The following MYH15 variants were observed in gnomAD, a reference collection of about 807,000 sequenced individuals.
MYH15 encodes myosin-15.
MYH15 carries 227 observed loss-of-function variants against 240.5 expected under a neutral mutation model. The observed-to-expected ratio is 0.94, with a 90% CI of 0.85 to 1.05. The LOEUF is 1.05. Among genes scored for constraint, MYH15 ranks in the 50% least tolerant of loss-of-function variants. MYH15 has a pLI of 0.00. For missense variants in MYH15, 2,217 were observed against 2,247.5 expected, an observed-to-expected ratio of 0.99 and a Z score of 0.27; for synonymous variants, 785 against 796.7, an observed-to-expected ratio of 0.99 and a Z score of 0.25.
the MYH15 span, among the ~76,000 whole-genome samples, chr3:108,543,117 G>C: frequency 2.1e-4 from 32 of 152,158 alleles, no homozygotes; most frequent in Non-Finnish European, 7.3e-5. Context: ...CTGACCTTGT[G>C]ATCCGCCCGC....
At chr3:108,542,230 T>C in the MYH15 span, among the ~76,000 whole-genome samples, 190 of 152,290 alleles carry the variant, frequency 1.2e-3, no homozygotes, top group African/African-American at 4.4e-3. Context: ...GACACATTTA[T>C]TATAATTAAC....
At chr3:108,547,478 C>A in the MYH15 span, among the ~76,000 whole-genome samples, 2 of 151,682 alleles carry the variant, frequency 1.3e-5, no homozygotes, top group African/African-American at 4.8e-5. Flanking sequence ...TTTAAATAGG[C>A]AATTCTCAAA....
intron 4 of MYH15, among the ~76,000 whole-genome samples, chr3:108,499,863 C>T (rs1476331888): frequency 6.6e-6 from 1 of 152,174 alleles, no homozygotes; most frequent in African/African-American, 2.4e-5. Context: ...CTGCAGGGGG[C>T]TTACTCTGGG....
In MYH15 at chr3:108,500,167, G is replaced by C. The variant is rs1253727031; in HGVS notation, c.447C>G (p.Pro149=). 1 of 1,613,960 alleles carries C rather than the reference G, an allele frequency of 6.2e-7. No individual in the cohort carries two copies. Among genetic ancestry groups the C allele is most frequent in the Non-Finnish European group, 8.5e-7 (1 of 1,179,968 alleles). The change falls in exon 4 of 41, where the codon CCC becomes CCG. Residue 149 remains proline (P), a synonymous_variant. Coordinates refer to ENST00000693548, the MANE Select transcript of MYH15 (RefSeq NM_014981.3). Reference sequence around the variant, plus strand: ...TATTGGCAACAGCAAAGATGTGAGGGGGAGCCTCTGATCGCCTCTTCCCTT... The same window carrying C: ...TATTGGCAACAGCAAAGATGTGAGGCGGAGCCTCTGATCGCCTCTTCCCTT... ...AYKGKRRSEA[P]PHIFAVANNA...
At chr3:108,468,579 A>G (rs1011877916) in intron 14 of MYH15, among the ~76,000 whole-genome samples, 1 of 152,258 alleles carries the variant, frequency 6.6e-6, no homozygotes, top group Non-Finnish European at 1.5e-5. Flanking sequence ...TTGTTTGTAG[A>G]AAACCAAAGA....
At chr3:108,484,346 G>T (rs1197076815) in intron 11 of MYH15, among the ~76,000 whole-genome samples, 1 of 152,064 alleles carries the variant, frequency 6.6e-6, no homozygotes, top group East Asian at 1.9e-4. Context: ...AAAAAACAAG[G>T]AGAAATAAAG....
chr3:108,549,963 T>G, the MYH15 span: 1 of 152,014 alleles, frequency 6.6e-6, no homozygotes, highest in Non-Finnish European at 1.5e-5. Flanking sequence ...AGAAACAGAA[T>G]GTATCTCCTC....
rs2083099537 is a variant in MYH15 at position 108,464,677 on chromosome 3, TTTC to T, written c.1689_1691del (p.Lys564del). On this transcript the variant is annotated inframe_deletion, in exon 15 of 41. Coordinates refer to ENST00000693548, the MANE Select transcript of MYH15 (RefSeq NM_014981.3). ...GGACAAGTTCAAAATGAGCTTCAAA[TTTC>T]TTCTTATCAGGCTTGGGCTTCTGGA... 6.2e-7 allele frequency: 1 copy of T among 1,613,642 alleles called. No individual in the cohort carries two copies. Among genetic ancestry groups the T allele is most frequent in the Non-Finnish European group, 8.5e-7 (1 of 1,179,786 alleles).
chr3:108,416,782 G>T, intron 29 of MYH15, 30 bp downstream of exon 29: 2 of 1,521,404 alleles, frequency 1.3e-6, no homozygotes, highest in South Asian at 1.2e-5. Flanking sequence ...ACACAGTCAA[G>T]AAACTAGTGA....
intron 6 of MYH15, among the ~76,000 whole-genome samples, chr3:108,497,231 G>T (rs770235710): frequency 6.8e-6 from 1 of 146,824 alleles, no homozygotes; most frequent in African/African-American, 2.5e-5. Context: ...ATTCAGGAAC[G>T]TGGTGGTAAA....
the MYH15 span, among the ~76,000 whole-genome samples, chr3:108,541,417 A>C: frequency 6.6e-6 from 1 of 152,014 alleles, no homozygotes; most frequent in Admixed American, 6.6e-5. Flanking sequence ...ATCAAGGACA[A>C]GTGAAAAATG....
intron 32 of MYH15, among the ~76,000 whole-genome samples, chr3:108,407,580 G>A (rs1002689576): frequency 6.6e-6 from 1 of 152,118 alleles, no homozygotes; most frequent in Admixed American, 6.5e-5. Context: ...GACTTTTCCT[G>A]AACTGTGAAT....
intron 27 of MYH15, among the ~76,000 whole-genome samples, chr3:108,425,151 A>C (rs1366012009): frequency 2.0e-5 from 3 of 152,226 alleles, no homozygotes; most frequent in African/African-American, 7.2e-5. Context: ...AGCATTCCAA[A>C]GAGAATAATT....
At chr3:108,440,320 GA>G (rs1170049278) in intron 23 of MYH15, among the ~76,000 whole-genome samples, 1 of 152,118 alleles carries the variant, frequency 6.6e-6, no homozygotes, top group Admixed American at 6.5e-5. Flanking sequence ...AGTATCCCAA[GA>G]AAGTGGCAGT....
intron 18 of MYH15, among the ~76,000 whole-genome samples, chr3:108,459,117 A>G (rs1453259168): frequency 1.3e-5 from 2 of 152,218 alleles, no homozygotes; most frequent in Non-Finnish European, 2.9e-5. Context: ...AAGAATTTAA[A>G]TAGTAATATC....
chr3:108,415,149 T>G lies in MYH15; in HGVS notation c.3949-721A>C, dbSNP rs575896018. Among the ~76,000 whole-genome samples, 3 of 152,210 alleles carry G rather than the reference T, an allele frequency of 2.0e-5. No individual in the cohort carries two copies. The East Asian group carries it at 5.8e-4, about 29-fold the overall frequency. ...CCCTGCTGGGTTTAATAAACATTTT[T>G]ATCATTTAAATGGTGATCTGGCTAA... On this transcript the variant is annotated intron_variant, in intron 29 of 40. Coordinates refer to ENST00000693548, the MANE Select transcript of MYH15 (RefSeq NM_014981.3).
intron 1 of MYH15, among the ~76,000 whole-genome samples, chr3:108,525,169 T>G (rs1197441617): frequency 6.6e-6 from 1 of 152,096 alleles, no homozygotes; most frequent in Non-Finnish European, 1.5e-5. Flanking sequence ...TATTGGTCAC[T>G]GCAATTACTT....
chr3:108,491,712 A>T (rs144663035), intron 9 of MYH15, among the ~76,000 whole-genome samples: 44 of 152,096 alleles, frequency 2.9e-4, no homozygotes, highest in Non-Finnish European at 5.6e-4. Context: ...CCCCCACAAC[A>T]CACTTGCTCT....
Position 108,494,737 on chromosome 3 carries a change from G to A in MYH15, c.711+1043C>T, listed in dbSNP as rs185592981. On this transcript the variant is annotated intron_variant, in intron 7 of 40. Transcript: ENST00000693548. ...TTGAACTTCTGGGCTCAAGTGATCC[G>A]CCCACTTCAGCCTCCCAAAGTGCTA... Among the ~76,000 whole-genome samples the A allele has an allele frequency of 4.6e-5, 7 of 152,078 alleles. No homozygotes were observed. The East Asian group carries it at 5.8e-4, about 13-fold the overall frequency.
Sources: allele counts gnomAD v4.1 joint callset (sites outside exome capture counted in the v4.1 genomes callset), GRCh38; gene constraint gnomAD v4.1.1; transcripts MANE v1.5; gene names NCBI Gene and HGNC (gene_info 2026-07-23, HGNC 2026-07-21).